The following ADAM15 variants were observed in gnomAD, a reference collection of about 807,000 sequenced individuals.
The protein encoded by ADAM15 is ADAM metallopeptidase domain 15, also known as disintegrin and metalloproteinase domain-containing protein 15.
ADAM15 carries 77 observed loss-of-function variants against 113.8 expected under a neutral mutation model. That is an observed-to-expected ratio of 0.68 (90% CI 0.56 to 0.82). The LOEUF (loss-of-function observed/expected upper bound fraction) is 0.82. Ranked by LOEUF, ADAM15 falls within the 40% of genes least tolerant of loss-of-function variation. ADAM15 has a pLI of 0.00. For synonymous variants in ADAM15, 388 were observed against 454.1 expected (o/e 0.85, Z 1.85); for missense variants, 963 against 1,120.1 (o/e 0.86, Z 2.00).
At chr1:155,055,731 G>A (rs539088677) in intron 6 of ADAM15, 59 bp from the exon 7 acceptor site, 27 of 1,596,888 alleles carry the variant, frequency 1.7e-5, no homozygotes, top group South Asian at 1.4e-4. Context: ...TGGTCAGCCC[G>A]GCACAGCTGC....
At chr1:155,060,447 C>G in intron 18 of ADAM15, 104 bp downstream of exon 18, 1 of 1,513,514 alleles carries the variant, frequency 6.6e-7, no homozygotes, top group East Asian at 2.3e-5. Flanking sequence ...CCCCAGGCCC[C>G]TTGGACCTTA....
Position 155,051,457 on chromosome 1 carries a change from C to T in ADAM15, c.71C>T (p.Pro24Leu), listed in dbSNP as rs1339519658. 1 of 1,566,716 alleles carries T rather than the reference C, an allele frequency of 6.4e-7. No homozygotes were observed. The highest frequency in any genetic ancestry group is 1.2e-5 in the South Asian group (1 of 85,362). Residue 24 changes from proline to leucine, a missense_variant, in exon 1 of 23, where the codon CCA becomes CTA. By Grantham distance (98) the Pro-to-Leu change is moderately conservative. Transcript: ENST00000356955. The part of the protein sequence containing the change: ...AGSPLPSWPL[P>L]NIGGTEEQQA... ...AGCCCTCTGCCTTCCTGGCCGCTCC[C>T]AAATATAGGTGAGTCCTCCGCCTGG...
chr1:155,053,609 G>T, intron 3 of ADAM15, 116 bp downstream of exon 3: 1 of 1,047,864 alleles, frequency 9.5e-7, no homozygotes, highest in Non-Finnish European at 1.5e-6. Context: ...GCCCTATAAG[G>T]GATATACTAT....
At chr1:155,053,616 C>A in intron 3 of ADAM15, 123 bp downstream of exon 3, 1 of 1,003,668 alleles carries the variant, frequency 1.0e-6, no homozygotes, top group Non-Finnish European at 1.5e-6. Context: ...AAGGGATATA[C>A]TATCATGTAT....
chr1:155,058,324 G>T lies in ADAM15; in HGVS notation c.1800G>T (p.Trp600Cys), dbSNP rs768018392. ...PLLGSIRDLL[W>C]ETIDVNGTEL... The stretch of plus-strand genomic sequence containing the variant: ...TGGGCTCCATCCGGGATCTACTCTG[G>T]GAGACAATAGATGTGAATGGGACTG... Residue 600 changes from tryptophan to cysteine, a missense_variant, in exon 15 of 23, where the codon TGG becomes TGT. Transcript: ENST00000356955. This position sits in a 1 kb window ranked among gnomAD's most constrained non-coding sequence, Gnocchi z 4.3. 11 of 1,613,982 alleles carry T rather than the reference G, an allele frequency of 6.8e-6. No individual in the cohort carries two copies. The African/African-American group carries it at 1.3e-4, about 20-fold the overall frequency.
At position 155,053,957 on chromosome 1, in the gene ADAM15, G is replaced by A; in HGVS notation, c.311G>A (p.Gly104Asp). 1 of 1,614,180 alleles carries A rather than the reference G, an allele frequency of 6.2e-7. No homozygotes were observed. Among genetic ancestry groups the A allele is most frequent in the Non-Finnish European group, 8.5e-7 (1 of 1,180,026 alleles). ...RPTLVWYQPD[G>D]TRVVSEGHTL... is the part of the protein sequence containing the mutation. ...ACCCTGGTGTGGTACCAGCCCGATGGCACTCGGGTGGTCAGTGAGGGACAC... is the reference window on the plus strand; with the variant it reads ...ACCCTGGTGTGGTACCAGCCCGATGACACTCGGGTGGTCAGTGAGGGACAC... The change falls in exon 4 of 23, where the codon GGC becomes GAC. Residue 104 changes from glycine to aspartate, a missense_variant. Gly to Asp is a moderately conservative substitution (Grantham distance 94, BLOSUM62 -1). Transcript: ENST00000356955.
In ADAM15 at chr1:155,058,068, T is replaced by C. The variant is rs1380136324; in HGVS notation, c.1634T>C (p.Leu545Pro). The C allele has an allele frequency of 6.2e-7, 1 of 1,614,014 alleles. No individual in the cohort carries two copies. Among genetic ancestry groups the C allele is most frequent in the Admixed American group, 1.7e-5 (1 of 60,012 alleles). ...WGPGAQPAAP[L>P]CLQTANTRGN... is the part of the protein sequence containing the mutation. Reference sequence around the variant, plus strand: ...CCTGGAGCCCAGCCCGCTGCGCCACTTTGCCTCCAGACAGCTAATACTCGG... The same window carrying C: ...CCTGGAGCCCAGCCCGCTGCGCCACCTTGCCTCCAGACAGCTAATACTCGG... The change falls in exon 14 of 23, where the codon CTT becomes CCT. Residue 545 changes from leucine (L) to proline (P), a missense_variant. By Grantham distance (98) the Leu-to-Pro change is moderately conservative. Coordinates refer to ENST00000356955, the MANE Select transcript of ADAM15 (RefSeq NM_207197.3). The surrounding 1 kb of genome is among the most constrained non-coding windows in gnomAD (Gnocchi z 4.3).
In ADAM15 at chr1:155,056,917, T is replaced by C; in HGVS notation, c.1000-36T>C. 6.6e-7 allele frequency: 1 copy of C among 1,526,352 alleles called. No homozygotes were observed. The highest frequency in any genetic ancestry group is 1.4e-5 in the African/African-American group (1 of 72,338). 94.6% of individuals were successfully genotyped at this position (1,526,352 alleles called of 1,614,324 possible). A position where few individuals can be genotyped will look rare whatever the true frequency, so the allele number is the denominator to read the frequency against. On this transcript the variant is annotated intron_variant, in intron 10 of 22. Transcript: ENST00000356955. This position sits in a 1 kb window ranked among gnomAD's most constrained non-coding sequence, Gnocchi z 4.0. ...TCTGGGCATTGTGGTGGAGGCAGGC[T>C]GGGACTGGACCTACAGTACCCCTCC... is the stretch of plus-strand genomic sequence containing the variant.
Position 155,057,129 on chromosome 1 carries a change from T to G in ADAM15, c.1148+28T>G, listed in dbSNP as rs1031551375. ...AAGTAGCTGCAGGATGGAGAGAGGG[T>G]GTGGGGCAGGGGGCAGGGAGAGGCC... On this transcript the variant is annotated intron_variant, in intron 11 of 22. Coordinates refer to ENST00000356955, the MANE Select transcript of ADAM15 (RefSeq NM_207197.3). The surrounding 1 kb of genome is among the most constrained non-coding windows in gnomAD (Gnocchi z 5.0). The G allele has an allele frequency of 1.3e-6, 2 of 1,575,998 alleles. No individual in the cohort carries two copies. The highest frequency in any genetic ancestry group is 1.8e-5 in the Admixed American group (1 of 55,016).
chr1:155,057,878 CCTA>C lies in ADAM15; in HGVS notation c.1446_1448del (p.Thr483del). On this transcript the variant is annotated inframe_deletion, in exon 14 of 23. Coordinates refer to ENST00000356955, the MANE Select transcript of ADAM15 (RefSeq NM_207197.3). The surrounding 1 kb of genome is among the most constrained non-coding windows in gnomAD (Gnocchi z 5.0). ...GCGCCCGTCTGGCTGGCAGTGTCGT[CCTA>C]CCAGAGGGGATTGTGACTTGCCTGA... 6.2e-7 allele frequency: 1 copy of C among 1,613,402 alleles called. No homozygotes were observed. The highest frequency in any genetic ancestry group is 8.5e-7 in the Non-Finnish European group (1 of 1,179,958).
rs200391048 is a variant in ADAM15 at position 155,054,504 on chromosome 1, C to T, written c.610C>T (p.Arg204Trp). The T allele has an allele frequency of 2.2e-4, 342 of 1,564,382 alleles. No individual in the cohort carries two copies. Among genetic ancestry groups the T allele is most frequent in the Admixed American group, 3.2e-4 (17 of 52,390 alleles). Residue 204 changes from arginine (R) to tryptophan (W), a missense_variant and splice_region_variant, in exon 6 of 23, where the codon CGG (arginine) becomes TGG (tryptophan). By Grantham distance (101) the Arg-to-Trp change is moderately radical (BLOSUM62 -3). Transcript: ENST00000356955. ...CCCCCTGGGACAGCGCCACATTCGCCGGGTGAGGATGAATGGCAGGGGGGT... is the reference window on the plus strand; with the variant it reads ...CCCCCTGGGACAGCGCCACATTCGCTGGGTGAGGATGAATGGCAGGGGGGT... ...EHPLGQRHIR[R>W]RRDVVTETKT...
At chr1:155,059,656 A>T (rs1173079077) in intron 16 of ADAM15, among the ~76,000 whole-genome samples, 1 of 152,144 alleles carries the variant, frequency 6.6e-6, no homozygotes, top group Non-Finnish European at 1.5e-5. Context: ...AAATAAAATA[A>T]AACAAAACAA....
chr1:155,060,765 C>A lies in ADAM15; in HGVS notation c.2210C>A (p.Ala737Glu). 1.2e-6 allele frequency: 2 copies of A among 1,613,824 alleles called. No homozygotes were observed. The highest frequency in any genetic ancestry group is 1.7e-6 in the Non-Finnish European group (2 of 1,179,972). Residue 737 changes from alanine to glutamate, a missense_variant and splice_region_variant, in exon 19 of 23, where the codon GCA (alanine) becomes GAA (glutamate). Physicochemically the swap from Ala to Glu is moderately radical, Grantham distance 107 (BLOSUM62 -1). Transcript: ENST00000356955. ...TTCTTGCCTTTCCTCATGCATAGGG[C>A]AGCCCAATCTGGTCCCTCTGAACGG... Reference protein sequence around the residue: ...QLKGPTCQYRAAQSGPSERPG... With the variant: ...QLKGPTCQYREAQSGPSERPG...
At position 155,062,204 on chromosome 1, in the gene ADAM15, AC is replaced by A. The variant is rs111294050; in HGVS notation, c.2425-34del. ...GTGCGTTGGGGGTGGGCAACATGAC[AC>A]CCCCCCACCTAAGCCGGCCTCCTGC... On this transcript the variant is annotated intron_variant, in intron 21 of 22. Transcript: ENST00000356955. The surrounding 1 kb of genome is among the most constrained non-coding windows in gnomAD (Gnocchi z 7.0). 1.4e-5 allele frequency: 20 copies of A among 1,439,848 alleles called. No homozygotes were observed. Among genetic ancestry groups the A allele is most frequent in the East Asian group, 1.3e-4 (5 of 39,566 alleles). The allele number at this position is 1,439,848 out of a possible 1,614,324, so 89.2% of individuals were successfully genotyped here. A position where few individuals can be genotyped will look rare whatever the true frequency, so the allele number is the denominator to read the frequency against.
chr1:155,054,931 C>T (rs779738906), intron 6 of ADAM15, among the ~76,000 whole-genome samples: 1 of 152,012 alleles, frequency 6.6e-6, no homozygotes, highest in Admixed American at 6.6e-5. Flanking sequence ...GTGGTTTGCC[C>T]GAGGCCCTAC....
rs767106534 is a variant in ADAM15 at position 155,053,462 on chromosome 1, G to C, written c.232G>C (p.Asp78His). 1 of 1,614,162 alleles carries C rather than the reference G, an allele frequency of 6.2e-7. No homozygotes were observed. The highest frequency in any genetic ancestry group is 1.1e-5 in the South Asian group (1 of 91,088). The change falls in exon 3 of 23, where the codon GAC becomes CAC. Residue 78 changes from aspartate (D) to histidine (H), a missense_variant. Transcript: ENST00000356955. ...GAGGATCAAGTTGGAGCTGGACGGTGACAGTCATATCCTGGAGCTGCTACA... is the reference window on the plus strand; with the variant it reads ...GAGGATCAAGTTGGAGCTGGACGGTCACAGTCATATCCTGGAGCTGCTACA... ...PLRIKLELDG[D>H]SHILELLQNR...
At chr1:155,061,775 C>A in intron 20 of ADAM15, 129 bp from the exon 21 acceptor site, 1 of 1,080,428 alleles carries the variant, frequency 9.3e-7, no homozygotes, top group Non-Finnish European at 1.3e-6. Flanking sequence ...AAGCCCTCTG[C>A]GCATGCCCTC....
chr1:155,061,375 C>T, intron 19 of ADAM15, 40 bp from the exon 20 acceptor site: 1 of 1,578,524 alleles, frequency 6.3e-7, no homozygotes, highest in East Asian at 2.2e-5. Context: ...TCTGCTTCCT[C>T]TTCCCCCTCT....
chr1:155,062,179 G>C lies in ADAM15; in HGVS notation c.2425-66G>C. 2 of 1,445,824 alleles carry C rather than the reference G, an allele frequency of 1.4e-6. No individual in the cohort carries two copies. Among genetic ancestry groups the C allele is most frequent in the Non-Finnish European group, 1.8e-6 (2 of 1,096,530 alleles). 89.6% of individuals were successfully genotyped at this position (1,445,824 alleles called of 1,614,324 possible). On this transcript the variant is annotated intron_variant, in intron 21 of 22. Transcript: ENST00000356955. The surrounding 1 kb of genome is among the most constrained non-coding windows in gnomAD (Gnocchi z 7.0). ...CCCAAGCTGGTGTTCCCCAGCACCA[G>C]TGCGTTGGGGGTGGGCAACATGACA...
Sources: gnomAD v4.1 joint callset for allele counts (sites outside exome capture counted in the v4.1 genomes callset) on GRCh38, gnomAD v4.1.1 for gene constraint, Gnocchi (gnomAD v3.1) non-coding constraint, MANE v1.5 for transcripts, NCBI Gene and HGNC (gene_info 2026-07-23, HGNC 2026-07-21) for gene names.